HSDL2: variants seen among roughly 807,000 people sequenced by gnomAD.
The protein encoded by HSDL2 is hydroxysteroid dehydrogenase-like protein 2.
In HSDL2, 27 loss-of-function variants were observed where a neutral mutation model predicts 46.3. The observed-to-expected ratio is 0.58, with a 90% CI of 0.43 to 0.80. The LOEUF is 0.80. Among genes scored for constraint, HSDL2 ranks in the 30% least tolerant of loss-of-function variants. The probability of loss-of-function intolerance (pLI) is 0.00; values close to 1 mark genes in which losing one functional copy is unlikely to be tolerated. For synonymous variants in HSDL2, 153 were observed against 163.6 expected (o/e 0.94, Z 0.50); for missense variants, 451 against 502.7 (o/e 0.90, Z 0.98).
intron 7 of HSDL2, among the ~76,000 whole-genome samples, chr9:112,440,739 T>C (rs951581535): frequency 6.6e-6 from 1 of 152,138 alleles, no homozygotes; most frequent in Non-Finnish European, 1.5e-5. Context: ...TCAGGCACGG[T>C]GGCTCACGCC....
Position 112,416,533 on chromosome 9 carries a change from G to T in HSDL2, c.396-308G>T, listed in dbSNP as rs1027028957. 2.4e-4 allele frequency among the ~76,000 whole-genome samples: 37 copies of T among 151,384 alleles called. 1 individual carries two copies. The highest frequency in any genetic ancestry group is 2.2e-3 in the Admixed American group (34 of 15,196). ...TTCGGGAGTCTGAGGTAGGAGGAGT[G>T]CTTGAGTCCAAGGGGTTCAAGACCA... On this transcript the variant is annotated intron_variant, in intron 4 of 10. Coordinates refer to ENST00000398805, the MANE Select transcript of HSDL2 (RefSeq NM_032303.5).
intron 1 of HSDL2, among the ~76,000 whole-genome samples, chr9:112,391,673 A>G (rs1831347033): frequency 6.6e-6 from 1 of 152,152 alleles, no homozygotes; most frequent in South Asian, 2.1e-4. Context: ...TGGGAGGCGG[A>G]GGCAGGTGGA....
intron 6 of HSDL2, among the ~76,000 whole-genome samples, chr9:112,430,651 T>G (rs1169091057): frequency 6.6e-6 from 1 of 151,984 alleles, no homozygotes; most frequent in East Asian, 1.9e-4. Flanking sequence ...GCAGTAAAGG[T>G]GGTGGACAGT....
At chr9:112,404,591 T>G (rs998942128) in intron 2 of HSDL2, among the ~76,000 whole-genome samples, 1 of 150,212 alleles carries the variant, frequency 6.7e-6, no homozygotes, top group Non-Finnish European at 1.5e-5. Flanking sequence ...GGAGGGGGAG[T>G]AGGGAAGTGG....
chr9:112,449,765 G>A (rs2132685639), intron 8 of HSDL2, among the ~76,000 whole-genome samples: 1 of 151,902 alleles, frequency 6.6e-6, no homozygotes, highest in South Asian at 2.1e-4. Context: ...CCCAGGAGGT[G>A]GAGGTTGCAG....
At chr9:112,428,043 A>G (rs1304973323) in intron 6 of HSDL2, among the ~76,000 whole-genome samples, 1 of 152,190 alleles carries the variant, frequency 6.6e-6, no homozygotes, top group Non-Finnish European at 1.5e-5. Context: ...ACATATCCAG[A>G]GTTGCTTCCT....
At chr9:112,398,473 G>T (rs1831512218) in intron 1 of HSDL2, among the ~76,000 whole-genome samples, 1 of 152,016 alleles carries the variant, frequency 6.6e-6, no homozygotes, top group Non-Finnish European at 1.5e-5. Context: ...AAAGAAATAA[G>T]ATCATTGGGG....
At position 112,397,916 on chromosome 9, in the gene HSDL2, A is replaced by G. The variant is rs191939771; in HGVS notation, c.18-6079A>G. On this transcript the variant is annotated intron_variant, in intron 1 of 10. Transcript: ENST00000398805. ...TAAATCAATGCACTTGTACCCCTTGAGCACTGGGAGATTCCAGCACGACCG... is the reference window on the plus strand; with the variant it reads ...TAAATCAATGCACTTGTACCCCTTGGGCACTGGGAGATTCCAGCACGACCG... Among the ~76,000 whole-genome samples the G allele has an allele frequency of 1.7e-3, 261 of 152,272 alleles. 1 individual carries two copies. Among genetic ancestry groups the G allele is most frequent in the African/African-American group, 6.2e-3 (256 of 41,546 alleles).
intron 1 of HSDL2, among the ~76,000 whole-genome samples, chr9:112,382,938 G>C (rs1587922326): frequency 1.5e-5 from 2 of 137,712 alleles, no homozygotes; most frequent in East Asian, 4.1e-4. Flanking sequence ...GTTAAACCAA[G>C]ATCTTTTTTT....
At chr9:112,415,072 T>C (rs138800826) in intron 4 of HSDL2, among the ~76,000 whole-genome samples, 79 of 152,298 alleles carry the variant, frequency 5.2e-4, no homozygotes, top group African/African-American at 1.8e-3. Context: ...TAATATATTA[T>C]TTAGCTGCTG....
chr9:112,430,254 G>C (rs925866200), intron 6 of HSDL2, among the ~76,000 whole-genome samples: 1 of 152,112 alleles, frequency 6.6e-6, no homozygotes, highest in South Asian at 2.1e-4. Flanking sequence ...GTTAGCCAAA[G>C]GTTATCTGAG....
chr9:112,398,389 A>G (rs1831507425), intron 1 of HSDL2, among the ~76,000 whole-genome samples: 1 of 151,830 alleles, frequency 6.6e-6, no homozygotes, highest in South Asian at 2.1e-4. Flanking sequence ...TTGAAGAGGG[A>G]AGAGTTAGTA....
chr9:112,383,326 G>A (rs1411423437), intron 1 of HSDL2, among the ~76,000 whole-genome samples: 1 of 152,112 alleles, frequency 6.6e-6, no homozygotes, highest in Non-Finnish European at 1.5e-5. Context: ...TCCTGACTCG[G>A]CATCCCAACA....
In HSDL2 at chr9:112,470,004, T is replaced by A. The variant is rs149477270; in HGVS notation, c.1145-428T>A. ...CATATTTTGTGTCCATACACTATACTTTTAATGATCATTTCTTAAGACTAT... is the reference window on the plus strand; with the variant it reads ...CATATTTTGTGTCCATACACTATACATTTAATGATCATTTCTTAAGACTAT... On this transcript the variant is annotated intron_variant, in intron 10 of 10. Transcript: ENST00000398805. Among the ~76,000 whole-genome samples, 500 of 152,354 alleles carry A rather than the reference T, an allele frequency of 3.3e-3. 4 individuals carry two copies. The highest frequency in any genetic ancestry group is 0.012 in the African/African-American group (481 of 41,584).
intron 1 of HSDL2, among the ~76,000 whole-genome samples, chr9:112,383,168 G>A (rs1831136796): frequency 1.3e-5 from 2 of 152,024 alleles, no homozygotes; most frequent in South Asian, 4.2e-4. Context: ...CTGCCTCCCA[G>A]GTTTAAGTGG....
intron 9 of HSDL2, among the ~76,000 whole-genome samples, chr9:112,456,348 T>G (rs1833022311): frequency 6.6e-6 from 1 of 152,216 alleles, no homozygotes; most frequent in Non-Finnish European, 1.5e-5. Context: ...GCAAGGTCCT[T>G]GATGACTTCC....
chr9:112,449,866 A>G (rs1332484668), intron 8 of HSDL2, among the ~76,000 whole-genome samples: 2 of 151,060 alleles, frequency 1.3e-5, no homozygotes, highest in Non-Finnish European at 2.9e-5. Context: ...GGAAGTGTCT[A>G]GTGATTTTTA....
chr9:112,394,386 T>G (rs1266930965), intron 1 of HSDL2, among the ~76,000 whole-genome samples: 1 of 152,094 alleles, frequency 6.6e-6, no homozygotes, highest in Admixed American at 6.6e-5. Flanking sequence ...AGGATGGTGA[T>G]CCTCGTCCTC....
intron 4 of HSDL2, among the ~76,000 whole-genome samples, chr9:112,410,009 A>G (rs1831823458): frequency 6.6e-6 from 1 of 152,084 alleles, no homozygotes; most frequent in African/African-American, 2.4e-5. Flanking sequence ...TCCTCTGAAA[A>G]AGACCTGGCG....
Sources: gnomAD v4.1 joint callset for allele counts (sites outside exome capture counted in the v4.1 genomes callset) on GRCh38, gnomAD v4.1.1 for gene constraint, MANE v1.5 for transcripts, NCBI Gene and HGNC (gene_info 2026-07-23, HGNC 2026-07-21) for gene names.